PTPRK: variants seen among roughly 807,000 people sequenced by gnomAD.
The protein encoded by PTPRK is receptor-type tyrosine-protein phosphatase kappa.
Under a neutral mutation model 178.0 loss-of-function variants are expected in PTPRK, and 75 were observed. The ratio of observed to expected loss-of-function variants is 0.42; its 90% CI spans 0.35 to 0.51. PTPRK has a LOEUF of 0.51. PTPRK is among the 20% of genes least tolerant of loss of function. PTPRK has a pLI of 0.02. For synonymous variants in PTPRK, 637 were observed against 620.6 expected (o/e 1.03, Z -0.39); for missense variants, 1,441 against 1,797.8 (o/e 0.80, Z 3.59).
At chr6:128,467,734 T>C (rs577459408) in intron 1 of PTPRK, among the ~76,000 whole-genome samples, 67 of 152,116 alleles carry the variant, frequency 4.4e-4, no homozygotes, top group African/African-American at 1.6e-3. Flanking sequence ...ATGTTGGAAT[T>C]TTTCCTTAGT....
In PTPRK at chr6:128,000,604, T is replaced by C. The variant is rs147755271; in HGVS notation, c.2495-1700A>G. 1.7e-3 allele frequency among the ~76,000 whole-genome samples: 266 copies of C among 152,184 alleles called. 2 individuals are homozygous for C. Among genetic ancestry groups the C allele is most frequent in the African/African-American group, 6.2e-3 (257 of 41,554 alleles). ...ATTCATGAGAGTTTCCTGTTCTCACTATGCGACCAAAGTCAATGGATCTAC... is the reference window on the plus strand; with the variant it reads ...ATTCATGAGAGTTTCCTGTTCTCACCATGCGACCAAAGTCAATGGATCTAC... On this transcript the variant is annotated intron_variant, in intron 15 of 29. Coordinates refer to ENST00000368226, the MANE Select transcript of PTPRK (RefSeq NM_002844.4).
chr6:128,383,878 T>C (rs1265311284), intron 2 of PTPRK, among the ~76,000 whole-genome samples: 9 of 152,124 alleles, frequency 5.9e-5, no homozygotes, highest in African/African-American at 2.2e-4. Flanking sequence ...AGAAAAAATA[T>C]TTTGACAGTT....
In PTPRK at chr6:128,083,721, T is replaced by C. The variant is rs557168257; in HGVS notation, c.1569A>G (p.Gln523=). The C allele has an allele frequency of 1.8e-5, 28 of 1,577,272 alleles. No individual in the cohort carries two copies. The highest frequency in any genetic ancestry group is 6.8e-5 in the African/African-American group (5 of 73,718). The change falls in exon 9 of 30, where the codon CAA becomes CAG. Residue 523 remains glutamine (Q), a synonymous_variant. Transcript: ENST00000368226. The part of the protein sequence containing the change: ...EPLDPNGIIT[Q]YEISYSSIRS... ...TTCCTTGTTCTCCCAATACCTCATA[T>C]TGAGTGATGATTCCATTTGGATCCA...
intron 16 of PTPRK, 109 bp from the exon 17 acceptor site, chr6:127,997,097 C>T (rs556171508): frequency 3.8e-6 from 4 of 1,043,382 alleles, no homozygotes; most frequent in Admixed American, 4.7e-5. Flanking sequence ...GAGAGGAAAG[C>T]AGTCCTACAG....
chr6:127,992,637 G>C, intron 19 of PTPRK, 36 bp downstream of exon 19: 1 of 1,554,200 alleles, frequency 6.4e-7, no homozygotes, highest in South Asian at 1.2e-5. Flanking sequence ...AAGCAAGTTT[G>C]TTTTTTCTAT....
intron 3 of PTPRK, among the ~76,000 whole-genome samples, chr6:128,261,484 A>G (rs1818171507): frequency 6.6e-6 from 1 of 152,190 alleles, no homozygotes; most frequent in Non-Finnish European, 1.5e-5. Context: ...CCAAACTTGA[A>G]TTAGCAAAAT....
intron 11 of PTPRK, among the ~76,000 whole-genome samples, chr6:128,078,058 T>C (rs1784145938): frequency 6.6e-6 from 1 of 152,000 alleles, no homozygotes; most frequent in Non-Finnish European, 1.5e-5. Context: ...TTTACTGCAT[T>C]GGACAGGAGT....
chr6:128,067,328 A>C (rs1260963197), intron 12 of PTPRK, among the ~76,000 whole-genome samples, 191 bp downstream of exon 12: 1 of 152,176 alleles, frequency 6.6e-6, no homozygotes, highest in Non-Finnish European at 1.5e-5. Flanking sequence ...GAACCCTGTG[A>C]AATGGAACTG....
intron 1 of PTPRK, among the ~76,000 whole-genome samples, chr6:128,469,369 T>A (rs1357883064): frequency 6.6e-6 from 1 of 152,178 alleles, no homozygotes; most frequent in Non-Finnish European, 1.5e-5. Context: ...ATAATGTATA[T>A]TCCAACATAG....
At chr6:128,436,192 GTAGA>G (rs1367573511) in intron 1 of PTPRK, among the ~76,000 whole-genome samples, 1 of 151,972 alleles carries the variant, frequency 6.6e-6, no homozygotes, top group Non-Finnish European at 1.5e-5. Context: ...CAAAAGACTG[GTAGA>G]TAGTTTAAAT....
At chr6:128,500,435 A>C (rs1855384242) in intron 1 of PTPRK, 1 of 152,128 alleles carries the variant, frequency 6.6e-6, no homozygotes. Flanking sequence ...ATTACAATTT[A>C]CCCAGCATAA....
At chr6:128,337,764 CT>C (rs1831140016) in intron 2 of PTPRK, among the ~76,000 whole-genome samples, 1 of 152,150 alleles carries the variant, frequency 6.6e-6, no homozygotes, top group South Asian at 2.1e-4. Context: ...ACAAGACAGT[CT>C]GGCTATGAAA....
chr6:127,982,197 C>A (rs894808515), intron 24 of PTPRK, among the ~76,000 whole-genome samples: 6 of 152,118 alleles, frequency 3.9e-5, no homozygotes, highest in African/African-American at 7.2e-5. Flanking sequence ...AGGTCAAAAT[C>A]TGTATGACTG....
chr6:128,409,705 T>C (rs901914334), intron 1 of PTPRK, among the ~76,000 whole-genome samples: 4 of 152,178 alleles, frequency 2.6e-5, no homozygotes, highest in African/African-American at 9.7e-5. Flanking sequence ...AGGGGGCCGA[T>C]GGGAGGTAAT....
intron 1 of PTPRK, chr6:128,409,326 G>T (rs1842035464): frequency 2.2e-6 from 1 of 454,732 alleles, no homozygotes; most frequent in Non-Finnish European, 4.4e-6. Flanking sequence ...GTAACTGCAG[G>T]CCTTTTCTGA....
rs112498575 is a variant in PTPRK, at chr6:128,064,787, T to C, written c.2165A>G (p.Lys722Arg). ...TGTAGCAATGCGTACGCACTGGGTTTTAGTTTCCTGATAGAGTAAAAATGA... is the reference window on the plus strand; with the variant it reads ...TGTAGCAATGCGTACGCACTGGGTTCTAGTTTCCTGATAGAGTAAAAATGA... ...QAMSSVEKETKTQCVRIATKA... is the reference protein window; with the variant it reads ...QAMSSVEKETRTQCVRIATKA... The change falls in exon 13 of 30, where the codon AAA (lysine) becomes AGA (arginine). Residue 722 changes from lysine (K) to arginine (R), a missense_variant. Around this residue, in one of 4 missense-constraint regions of PTPRK, gnomAD observed 945 missense variants for 1,080.6 expected, o/e 0.87. Coordinates refer to ENST00000368226, the MANE Select transcript of PTPRK (RefSeq NM_002844.4). 6.3e-7 allele frequency: 1 copy of C among 1,585,766 alleles called. No homozygotes were observed. The highest frequency in any genetic ancestry group is 8.5e-7 in the Non-Finnish European group (1 of 1,172,112).
chr6:128,041,767 T>C (rs1777204434), intron 13 of PTPRK, among the ~76,000 whole-genome samples: 1 of 151,772 alleles, frequency 6.6e-6, no homozygotes, highest in African/African-American at 2.4e-5. Flanking sequence ...TGTATATGTG[T>C]GACTGTGTAT....
At chr6:128,025,640 A>G (rs921359654) in intron 13 of PTPRK, among the ~76,000 whole-genome samples, 2 of 152,226 alleles carry the variant, frequency 1.3e-5, no homozygotes, top group African/African-American at 4.8e-5. Context: ...AGGGCCCCAA[A>G]GCAGTATCAC....
chr6:128,308,658 G>A (rs967478702), intron 3 of PTPRK, among the ~76,000 whole-genome samples: 4 of 152,000 alleles, frequency 2.6e-5, no homozygotes, highest in African/African-American at 9.7e-5. Context: ...AGCAATTTTC[G>A]ACGCATGAAA....
Sources: gnomAD v4.1 joint callset for allele counts (sites outside exome capture counted in the v4.1 genomes callset) on GRCh38, gnomAD v4.1.1 for gene constraint, gnomAD v4.1.1 regional missense constraint, MANE v1.5 for transcripts, NCBI Gene and HGNC (gene_info 2026-07-23, HGNC 2026-07-21) for gene names.